THAP4: variants seen among roughly 807,000 people sequenced by gnomAD.
The protein encoded by THAP4 is peroxynitrite isomerase THAP4.
Under a neutral mutation model 48.1 loss-of-function variants are expected in THAP4, and 18 were observed. The observed-to-expected ratio is 0.37, with a 90% CI of 0.26 to 0.56. The LOEUF (loss-of-function observed/expected upper bound fraction) is 0.56, where lower values mean the gene tolerates loss of function less well. THAP4 is among the 20% of genes least tolerant of loss of function. THAP4 has a pLI of 0.78. For missense variants in THAP4, 656 were observed against 774.9 expected, an observed-to-expected ratio of 0.85 and a Z score of 1.82; for synonymous variants, 345 against 324.9, an observed-to-expected ratio of 1.06 and a Z score of -0.66.
chr2:241,632,367 T>C (rs900422097), intron 2 of THAP4, among the ~76,000 whole-genome samples: 2 of 152,206 alleles, frequency 1.3e-5, no homozygotes, highest in African/African-American at 4.8e-5. Flanking sequence ...CCCAAAGTAC[T>C]GGGATTACAG....
Position 241,612,799 on chromosome 2 carries a change from G to A in THAP4, c.1241-6326C>T, listed in dbSNP as rs564842132. Among the ~76,000 whole-genome samples the A allele has an allele frequency of 2.0e-5, 3 of 152,306 alleles. No individual in the cohort carries two copies. The South Asian group carries it at 6.2e-4, about 32-fold the overall frequency. On this transcript the variant is annotated intron_variant, in intron 2 of 5. Coordinates refer to ENST00000407315, the MANE Select transcript of THAP4 (RefSeq NM_015963.6). This position sits in a 1 kb window ranked among gnomAD's most constrained non-coding sequence, Gnocchi z 4.1. ...GACGCTAGAGTCACACGTAGAAGGC[G>A]CATGAGGAGGGAAGGTGAGTGGCAA...
intron 2 of THAP4, among the ~76,000 whole-genome samples, chr2:241,625,514 G>C (rs1255111809): frequency 1.4e-5 from 2 of 143,112 alleles, no homozygotes; most frequent in African/African-American, 5.2e-5. Context: ...AAAGGAAAAA[G>C]AGTCCAGGTG....
chr2:241,627,077 C>G (rs2067503398), intron 2 of THAP4, among the ~76,000 whole-genome samples: 1 of 152,150 alleles, frequency 6.6e-6, no homozygotes, highest in African/African-American at 2.4e-5. Flanking sequence ...GCAGGTAGTA[C>G]AGAGAATTCC....
At chr2:241,627,577 G>A (rs2067509299) in intron 2 of THAP4, among the ~76,000 whole-genome samples, 1 of 152,182 alleles carries the variant, frequency 6.6e-6, no homozygotes, top group African/African-American at 2.4e-5. Flanking sequence ...TCAGTTTGGG[G>A]AACCTGCCCA....
intron 2 of THAP4, among the ~76,000 whole-genome samples, chr2:241,621,146 G>C (rs1290480328): frequency 6.6e-6 from 1 of 152,042 alleles, no homozygotes; most frequent in Non-Finnish European, 1.5e-5. Flanking sequence ...TCAGGAGTTC[G>C]AGACCAGCCT....
At chr2:241,625,666 C>T (rs1159605928) in intron 2 of THAP4, among the ~76,000 whole-genome samples, 2 of 150,970 alleles carry the variant, frequency 1.3e-5, no homozygotes, top group East Asian at 2.0e-4. Context: ...GGCGTCATGG[C>T]GGGCGCCTGT....
rs769702879 is a variant in THAP4, at chr2:241,584,584, G to C, written c.*22C>G. ...TGAGGCACAGTAGCCAGGCCCTCCCGAGGGCTCCAGAAGCTCTAGGTTTAC... is the reference window on the plus strand; with the variant it reads ...TGAGGCACAGTAGCCAGGCCCTCCCCAGGGCTCCAGAAGCTCTAGGTTTAC... On this transcript the variant is annotated 3_prime_UTR_variant, in exon 6 of 6. Transcript: ENST00000407315. 1 of 1,613,828 alleles carries C rather than the reference G, an allele frequency of 6.2e-7. No individual in the cohort carries two copies. Among genetic ancestry groups the C allele is most frequent in the Non-Finnish European group, 8.5e-7 (1 of 1,179,882 alleles).
At chr2:241,588,022 AG>A (rs1421791273) in intron 5 of THAP4, among the ~76,000 whole-genome samples, 1 of 138,628 alleles carries the variant, frequency 7.2e-6, no homozygotes, top group Non-Finnish European at 1.6e-5. Flanking sequence ...AGAGAAAAGA[AG>A]GAAGGAAGGA....
intron 5 of THAP4, among the ~76,000 whole-genome samples, chr2:241,585,861 C>T (rs1170172900): frequency 2.9e-5 from 4 of 137,374 alleles, no homozygotes; most frequent in Middle Eastern, 4.3e-3. Flanking sequence ...TGCAGTGAGC[C>T]GAGATCATGC....
chr2:241,585,935 A>AAAAAAAAAAAAAAAAG (rs1553553075), intron 5 of THAP4, among the ~76,000 whole-genome samples: 1 of 146,898 alleles, frequency 6.8e-6, no homozygotes, highest in African/African-American at 2.5e-5. Flanking sequence ...AAAAAGAAAA[A>AAAAAAAAAAAAAAAAG]AAAAAGAAAA....
chr2:241,587,669 A>C (rs2066909638), intron 5 of THAP4, among the ~76,000 whole-genome samples: 1 of 152,188 alleles, frequency 6.6e-6, no homozygotes, highest in South Asian at 2.1e-4. Flanking sequence ...AAAAATCCTG[A>C]GCAATAGAAT....
chr2:241,585,039 T>C, intron 5 of THAP4: 1 of 307,198 alleles, frequency 3.3e-6, no homozygotes. Context: ...TCGGGCCTGG[T>C]TAGTACTTGG....
rs2067115207 is a variant in THAP4, at chr2:241,601,722, T to C, written c.1614+174A>G. 9 of 1,271,412 alleles carry C rather than the reference T, an allele frequency of 7.1e-6. 1 individual carries two copies. In the South Asian group the frequency reaches 1.3e-4, roughly 19 times the overall value. 78.8% of individuals were successfully genotyped at this position (1,271,412 alleles called of 1,614,324 possible). A position where few individuals can be genotyped will look rare whatever the true frequency, so the allele number is the denominator to read the frequency against. On this transcript the variant is annotated intron_variant, in intron 5 of 5. Transcript: ENST00000407315. The surrounding 1 kb of genome is among the most constrained non-coding windows in gnomAD (Gnocchi z 4.0). Reference sequence around the variant, plus strand: ...GACCAGCCGAGGAGGGGGCAATGAATTTAGGGAACATCCACCCTGGATGGT... The same window carrying C: ...GACCAGCCGAGGAGGGGGCAATGAACTTAGGGAACATCCACCCTGGATGGT...
At chr2:241,623,441 A>T (rs954510356) in intron 2 of THAP4, among the ~76,000 whole-genome samples, 38 of 151,966 alleles carry the variant, frequency 2.5e-4, no homozygotes, top group African/African-American at 8.9e-4. Context: ...TTAGCAGGGC[A>T]TGGTGGCACG....
At chr2:241,635,243 C>G (rs994906470) in intron 1 of THAP4, among the ~76,000 whole-genome samples, 12 of 152,124 alleles carry the variant, frequency 7.9e-5, no homozygotes, top group African/African-American at 2.9e-4. Flanking sequence ...TACGGTCATA[C>G]CATTGCACTC....
intron 2 of THAP4, among the ~76,000 whole-genome samples, chr2:241,623,386 C>T (rs1159609041): frequency 6.6e-6 from 1 of 151,980 alleles, no homozygotes; most frequent in African/African-American, 2.4e-5. Context: ...TCCAGACCAG[C>T]TTGGGCAACA....
intron 2 of THAP4, among the ~76,000 whole-genome samples, chr2:241,622,784 G>T (rs1437197358): frequency 1.3e-5 from 2 of 150,772 alleles, no homozygotes; most frequent in African/African-American, 2.5e-5. Context: ...ATTTTTTTTT[G>T]TAGAGATGGG....
intron 1 of THAP4, among the ~76,000 whole-genome samples, chr2:241,636,496 G>C (rs1276380229): frequency 6.6e-6 from 1 of 152,204 alleles, no homozygotes; most frequent in African/African-American, 2.4e-5. Context: ...CCCGCGTCCT[G>C]GGCTCGGGGG....
rs1322363189 is a variant in THAP4, at chr2:241,617,402, G to C, written c.1241-10929C>G. The C allele has an allele frequency of 3.9e-6, 6 of 1,541,960 alleles. No homozygotes were observed. The African/African-American group carries it at 8.2e-5, about 21-fold the overall frequency. The stretch of plus-strand genomic sequence containing the variant: ...CATGTTTTGGCCCAAGACACTGAAA[G>C]CAGGCTTACCCATCCCTAAGTTTTC... On this transcript the variant is annotated intron_variant, in intron 2 of 5. Transcript: ENST00000407315.
Sources: gnomAD v4.1 joint callset for allele counts (sites outside exome capture counted in the v4.1 genomes callset) on GRCh38, gnomAD v4.1.1 for gene constraint, Gnocchi (gnomAD v3.1) non-coding constraint, MANE v1.5 for transcripts, NCBI Gene and HGNC (gene_info 2026-07-23, HGNC 2026-07-21) for gene names.